The following RASGEF1C variants were observed in gnomAD, a reference collection of about 807,000 sequenced individuals.
RASGEF1C encodes the protein ras-GEF domain-containing family member 1C.
A neutral mutation model predicts 58.1 loss-of-function variants in RASGEF1C; 27 were observed. The ratio of observed to expected loss-of-function variants is 0.46; its 90% CI spans 0.34 to 0.64. The LOEUF (loss-of-function observed/expected upper bound fraction) is 0.64. Ranked by LOEUF, RASGEF1C falls within the 30% of genes least tolerant of loss-of-function variation. The pLI is 0.01. For missense variants in RASGEF1C, 502 were observed against 605.1 expected (o/e 0.83, Z 1.79); for synonymous variants, 243 against 246.3 (o/e 0.99, Z 0.13).
In RASGEF1C at chr5:180,178,275, C is replaced by CT. The variant is rs5873679; in HGVS notation, c.-7+30752dup. Reference sequence around the variant, plus strand: ...CGTGTGAGCCACTGCACCCGGCTGGCTTTTTTTTTTTTTTTTTTTTTTTGA... The same window carrying CT: ...CGTGTGAGCCACTGCACCCGGCTGGCTTTTTTTTTTTTTTTTTTTTTTTTGA... On this transcript the variant is annotated intron_variant, in intron 1 of 13. Transcript: ENST00000361132. 1.3e-3 allele frequency among the ~76,000 whole-genome samples: 44 copies of CT among 32,688 alleles called. 1 individual carries two copies. Among genetic ancestry groups the CT allele is most frequent in the South Asian group, 5.4e-3 (3 of 560 alleles). The allele number at this position is 32,688 out of a possible 152,430, so 21.4% of individuals were successfully genotyped here. A position where few individuals can be genotyped will look rare whatever the true frequency, so the allele number is the denominator to read the frequency against.
At chr5:180,189,120 G>A (rs987850781) in intron 1 of RASGEF1C, among the ~76,000 whole-genome samples, 7 of 152,130 alleles carry the variant, frequency 4.6e-5, no homozygotes, top group East Asian at 1.9e-4. Context: ...AGATCAATAC[G>A]TAAGCATCAA....
intron 1 of RASGEF1C, among the ~76,000 whole-genome samples, chr5:180,163,497 ATTGTTCAATGCTTTTT>A (rs2113302932): frequency 6.6e-6 from 1 of 151,870 alleles, no homozygotes; most frequent in African/African-American, 2.4e-5. Context: ...TTTCTTACCT[ATTGTTCAATGCTTTTT>A]CTGCATCAAT....
At position 180,101,542 on chromosome 5, in the gene RASGEF1C, G is replaced by A. The variant is rs1177334596; in HGVS notation, c.1377-17C>T. Reference sequence around the variant, plus strand: ...ATAGAAGATCTGCAGATTTAAGCATGTCGGGAGCGGTGAGAGCCTGGAGCT... The same window carrying A: ...ATAGAAGATCTGCAGATTTAAGCATATCGGGAGCGGTGAGAGCCTGGAGCT... On this transcript the variant is annotated splice_polypyrimidine_tract_variant and intron_variant, in intron 13 of 13. Transcript: ENST00000361132. 2 of 1,611,688 alleles carry A rather than the reference G, an allele frequency of 1.2e-6. No individual in the cohort carries two copies. Among genetic ancestry groups the A allele is most frequent in the Non-Finnish European group, 1.7e-6 (2 of 1,179,698 alleles).
At position 180,158,755 on chromosome 5, in the gene RASGEF1C, G is replaced by A. The variant is rs770674612; in HGVS notation, c.-6-20697C>T. ...TGACACGGGCCTTTCTATGTCCCTCGTGTGGAGCACTTTCCAGTCTCACGG... is the reference window on the plus strand; with the variant it reads ...TGACACGGGCCTTTCTATGTCCCTCATGTGGAGCACTTTCCAGTCTCACGG... On this transcript the variant is annotated intron_variant, in intron 1 of 13. Coordinates refer to ENST00000361132, the MANE Select transcript of RASGEF1C (RefSeq NM_175062.4). This position sits in a 1 kb window ranked among gnomAD's most constrained non-coding sequence, Gnocchi z 4.0. 6.6e-6 allele frequency among the ~76,000 whole-genome samples: 1 copy of A among 152,104 alleles called. No individual in the cohort carries two copies. Among genetic ancestry groups the A allele is most frequent in the East Asian group, 1.9e-4 (1 of 5,194 alleles).
At chr5:180,185,704 AT>A (rs1226022704) in intron 1 of RASGEF1C, among the ~76,000 whole-genome samples, 11 of 152,342 alleles carry the variant, frequency 7.2e-5, no homozygotes, top group African/African-American at 2.6e-4. Flanking sequence ...TGCAAAAATT[AT>A]TCGAATGATA....
intron 6 of RASGEF1C, 109 bp downstream of exon 6, chr5:180,127,500 C>T (rs1355182612): frequency 8.4e-6 from 9 of 1,074,702 alleles, no homozygotes; most frequent in Non-Finnish European, 1.0e-5. Context: ...CCACCTGTCC[C>T]ACTCTGGGCC....
chr5:180,203,920 G>A (rs1311420946), intron 1 of RASGEF1C, among the ~76,000 whole-genome samples: 1 of 152,126 alleles, frequency 6.6e-6, no homozygotes, highest in African/African-American at 2.4e-5. Context: ...TTGAACCTGG[G>A]AGGCAGAGGT....
intron 1 of RASGEF1C, among the ~76,000 whole-genome samples, chr5:180,199,471 T>G (rs1359664463): frequency 1.2e-4 from 19 of 152,066 alleles, no homozygotes; most frequent in Admixed American, 1.2e-3. Flanking sequence ...CGGGGAGATA[T>G]TTCCTCTGCA....
chr5:180,171,308 A>G (rs763629796), intron 1 of RASGEF1C, among the ~76,000 whole-genome samples: 1 of 151,956 alleles, frequency 6.6e-6, no homozygotes, highest in African/African-American at 2.4e-5. Context: ...GGCAGGTCCT[A>G]AACTGCTGAC....
At chr5:180,126,431 C>T (rs1421461416) in intron 6 of RASGEF1C, among the ~76,000 whole-genome samples, 3 of 152,074 alleles carry the variant, frequency 2.0e-5, no homozygotes, top group East Asian at 1.9e-4. Context: ...ATCTCCCTCC[C>T]GTTCCTGCCT....
intron 1 of RASGEF1C, among the ~76,000 whole-genome samples, chr5:180,195,828 T>C (rs1166393338): frequency 6.6e-6 from 1 of 150,938 alleles, no homozygotes; most frequent in African/African-American, 2.4e-5. Context: ...CGCCGTCCGG[T>C]GAGGCAGTGG....
At position 180,121,514 on chromosome 5, in the gene RASGEF1C, T is replaced by C. The variant is rs186210625; in HGVS notation, c.715-365A>G. The stretch of plus-strand genomic sequence containing the variant: ...ATTTTTAGTGGAGACGGGGTTTCAC[T>C]GTGTTAGCCAGGATGGTCTCCATCT... On this transcript the variant is annotated intron_variant, in intron 6 of 13. Transcript: ENST00000361132. 7.6e-4 allele frequency among the ~76,000 whole-genome samples: 116 copies of C among 152,150 alleles called. No homozygotes were observed. The East Asian group carries it at 9.1e-3, about 12-fold the overall frequency.
intron 12 of RASGEF1C, among the ~76,000 whole-genome samples, chr5:180,107,176 T>C (rs886371063): frequency 2.0e-5 from 3 of 152,366 alleles, no homozygotes; most frequent in Non-Finnish European, 4.4e-5. Flanking sequence ...GTGAGTTTCT[T>C]GTAGATAGCC....
At chr5:180,191,420 G>T (rs13157604) in intron 1 of RASGEF1C, among the ~76,000 whole-genome samples, 36 of 151,846 alleles carry the variant, frequency 2.4e-4, no homozygotes, top group Non-Finnish European at 4.0e-4. Context: ...GCAGTGGCGC[G>T]ATCTCAGCTC....
At chr5:180,130,778 T>C (rs1561737794) in intron 4 of RASGEF1C, among the ~76,000 whole-genome samples, 2 of 152,102 alleles carry the variant, frequency 1.3e-5, no homozygotes, top group African/African-American at 4.8e-5. Context: ...CTTACTTAGC[T>C]CCTGGCTGTT....
intron 1 of RASGEF1C, among the ~76,000 whole-genome samples, chr5:180,173,218 A>C (rs925337401): frequency 6.6e-6 from 1 of 152,224 alleles, no homozygotes; most frequent in African/African-American, 2.4e-5. Context: ...GCAAAAACTC[A>C]GAAGAGCCAG....
chr5:180,207,549 G>A (rs1427338253), intron 1 of RASGEF1C, among the ~76,000 whole-genome samples: 1 of 152,122 alleles, frequency 6.6e-6, no homozygotes, highest in Non-Finnish European at 1.5e-5. Context: ...CAGGTCCCGG[G>A]CAGGGCCCCA....
At chr5:180,121,946 C>T (rs114951293) in intron 6 of RASGEF1C, among the ~76,000 whole-genome samples, 177 of 152,246 alleles carry the variant, frequency 1.2e-3, no homozygotes, top group African/African-American at 3.6e-3. Flanking sequence ...CTGAGAAAGG[C>T]CCCCAAGCAT....
At chr5:180,163,456 G>C (rs1340056379) in intron 1 of RASGEF1C, among the ~76,000 whole-genome samples, 1 of 151,832 alleles carries the variant, frequency 6.6e-6, no homozygotes, top group Non-Finnish European at 1.5e-5. Flanking sequence ...GTTTTATCAC[G>C]AATGGATGTT....
Sources: allele counts gnomAD v4.1 joint callset (sites outside exome capture counted in the v4.1 genomes callset), GRCh38; gene constraint gnomAD v4.1.1; non-coding constraint Gnocchi (gnomAD v3.1); transcripts MANE v1.5; gene names NCBI Gene and HGNC (gene_info 2026-07-23, HGNC 2026-07-21).